HMGCLL1: variants seen among roughly 807,000 people sequenced by gnomAD.
The protein encoded by HMGCLL1 is 3-hydroxy-3-methylglutaryl-CoA lyase like 1.
HMGCLL1 carries 36 observed loss-of-function variants against 39.1 expected under a neutral mutation model. The ratio of observed to expected loss-of-function variants is 0.92; its 90% CI spans 0.71 to 1.22. The LOEUF (loss-of-function observed/expected upper bound fraction) is 1.22. HMGCLL1 is among the 50% of genes most tolerant of loss of function. HMGCLL1 has a pLI of 0.00. For synonymous variants in HMGCLL1, 149 were observed against 144.0 expected (o/e 1.03, Z -0.25); for missense variants, 451 against 416.5 (o/e 1.08, Z -0.72).
upstream of HMGCLL1, among the ~76,000 whole-genome samples, chr6:55,583,345 C>T (rs1051856519): frequency 6.6e-6 from 1 of 151,686 alleles, no homozygotes; most frequent in Non-Finnish European, 1.5e-5. Context: ...TCCCTCCCCT[C>T]TCCCCCCACC....
chr6:55,452,270 C>T (rs1354763547), intron 7 of HMGCLL1, among the ~76,000 whole-genome samples: 1 of 152,198 alleles, frequency 6.6e-6, no homozygotes, highest in Non-Finnish European at 1.5e-5. Flanking sequence ...ATCTTGGCTG[C>T]AGCTGATTGG....
the HMGCLL1 span, among the ~76,000 whole-genome samples, chr6:55,597,829 T>C: frequency 6.6e-6 from 1 of 150,664 alleles, no homozygotes; most frequent in Non-Finnish European, 1.5e-5. Flanking sequence ...ACTGAATTCA[T>C]TTTTTTGATA....
intron 7 of HMGCLL1, among the ~76,000 whole-genome samples, chr6:55,445,240 G>A (rs1171986816): frequency 6.6e-6 from 1 of 151,722 alleles, no homozygotes; most frequent in African/African-American, 2.4e-5. Flanking sequence ...TTTTCTCAAT[G>A]ATACTGTTAT....
chr6:55,452,622 A>C (rs1277328002), intron 7 of HMGCLL1, among the ~76,000 whole-genome samples: 1 of 152,176 alleles, frequency 6.6e-6, no homozygotes, highest in Non-Finnish European at 1.5e-5. Flanking sequence ...ATCATATATA[A>C]TGTTACATGT....
chr6:55,639,866 G>A, the HMGCLL1 span, among the ~76,000 whole-genome samples: 1 of 151,998 alleles, frequency 6.6e-6, no homozygotes, highest in Non-Finnish European at 1.5e-5. Flanking sequence ...ATCACCTGAG[G>A]TCAGGAGTTC....
chr6:55,668,782 TG>T, the HMGCLL1 span, among the ~76,000 whole-genome samples: 2 of 151,558 alleles, frequency 1.3e-5, no homozygotes, highest in African/African-American at 4.8e-5. Flanking sequence ...ATCAGCCAAG[TG>T]GTTATTTTTC....
At chr6:55,673,537 T>C in the HMGCLL1 span, among the ~76,000 whole-genome samples, 1 of 151,940 alleles carries the variant, frequency 6.6e-6, no homozygotes, top group Non-Finnish European at 1.5e-5. Flanking sequence ...ACGAACATGC[T>C]TTGGAGAAAA....
the HMGCLL1 span, among the ~76,000 whole-genome samples, chr6:55,611,756 C>G: frequency 6.6e-6 from 1 of 152,160 alleles, no homozygotes; most frequent in Non-Finnish European, 1.5e-5. Flanking sequence ...AATGCAACAT[C>G]TCTTTATGTT....
intron 3 of HMGCLL1, among the ~76,000 whole-genome samples, chr6:55,526,458 C>A (rs940987840): frequency 6.6e-6 from 1 of 151,984 alleles, no homozygotes; most frequent in Non-Finnish European, 1.5e-5. Context: ...TTGATTCATG[C>A]ATCACTTTCC....
At chr6:55,636,873 C>A in the HMGCLL1 span, among the ~76,000 whole-genome samples, 1 of 152,106 alleles carries the variant, frequency 6.6e-6, no homozygotes. Context: ...TCACTTCTGA[C>A]AGACCCACCT....
chr6:55,490,171 A>C (rs914712514), intron 7 of HMGCLL1, among the ~76,000 whole-genome samples: 10 of 152,078 alleles, frequency 6.6e-5, no homozygotes, highest in African/African-American at 2.4e-4. Flanking sequence ...ATCCCAAAAA[A>C]GATGTTCTAC....
chr6:55,574,123 GTA>G (rs139901730), intron 1 of HMGCLL1, among the ~76,000 whole-genome samples: 2,109 of 151,748 alleles, frequency 0.014, 50 homozygotes, highest in African/African-American at 0.048. Flanking sequence ...ATGTGTGTGT[GTA>G]TATATATACA....
chr6:55,485,879 A>T (rs1766000251), intron 7 of HMGCLL1, among the ~76,000 whole-genome samples: 1 of 151,800 alleles, frequency 6.6e-6, no homozygotes, highest in African/African-American at 2.4e-5. Context: ...CCCTTGACTT[A>T]CATAATATAT....
At chr6:55,654,736 A>G in the HMGCLL1 span, among the ~76,000 whole-genome samples, 3 of 151,884 alleles carry the variant, frequency 2.0e-5, no homozygotes, top group Non-Finnish European at 2.9e-5. Context: ...TTGAAACATT[A>G]TATTGGTCAT....
At chr6:55,549,936 T>C (rs1770229355) in intron 1 of HMGCLL1, among the ~76,000 whole-genome samples, 1 of 151,900 alleles carries the variant, frequency 6.6e-6, no homozygotes, top group Non-Finnish European at 1.5e-5. Context: ...CAAATAAAAA[T>C]TTTCAGATAT....
At chr6:55,447,689 A>T (rs1561885840) in intron 7 of HMGCLL1, among the ~76,000 whole-genome samples, 4 of 152,116 alleles carry the variant, frequency 2.6e-5, no homozygotes. Context: ...CAAGGATTGT[A>T]CCATGTGCTT....
chr6:55,524,481 G>A (rs962638707), intron 3 of HMGCLL1, among the ~76,000 whole-genome samples: 4 of 66,472 alleles, frequency 6.0e-5, no homozygotes, highest in Non-Finnish European at 6.7e-5. Context: ...AAAAAAAAAC[G>A]GGATCCTCCA....
chr6:55,575,420 A>G (rs1372462034), intron 1 of HMGCLL1, among the ~76,000 whole-genome samples: 1 of 152,128 alleles, frequency 6.6e-6, no homozygotes, highest in African/African-American at 2.4e-5. Flanking sequence ...ATTTAAGTCT[A>G]ATAATTCATC....
chr6:55,556,420 G>A (rs1303234885), intron 1 of HMGCLL1, among the ~76,000 whole-genome samples: 1 of 152,146 alleles, frequency 6.6e-6, no homozygotes. Flanking sequence ...CCAGCACAAT[G>A]TTCTGTGAGT....
Sources: allele counts gnomAD v4.1 joint callset (sites outside exome capture counted in the v4.1 genomes callset), GRCh38; gene constraint gnomAD v4.1.1; transcripts MANE v1.5; gene names NCBI Gene and HGNC (gene_info 2026-07-23, HGNC 2026-07-21).